The following FYB2 variants were observed in gnomAD, a reference collection of about 807,000 sequenced individuals.
FYB2 encodes the protein FYN binding protein 2.
In FYB2, 103 loss-of-function variants were observed where a neutral mutation model predicts 94.1. The observed-to-expected ratio is 1.09, with a 90% CI of 0.93 to 1.29. The LOEUF is 1.29. FYB2 is among the 50% of genes most tolerant of loss of function. FYB2 has a pLI of 0.00. For synonymous variants in FYB2, 293 were observed against 287.9 expected, an observed-to-expected ratio of 1.02 and a Z score of -0.18; for missense variants, 896 against 841.5, an observed-to-expected ratio of 1.06 and a Z score of -0.80.
intron 2 of FYB2, 75 bp downstream of exon 2, chr1:56,791,981 A>C: frequency 6.6e-7 from 1 of 1,507,386 alleles, no homozygotes; most frequent in Non-Finnish European, 8.8e-7. Context: ...AACCACTCTG[A>C]ATCAACAGGT....
chr1:56,796,672 G>A (rs189806686), intron 1 of FYB2, among the ~76,000 whole-genome samples: 78 of 152,068 alleles, frequency 5.1e-4, no homozygotes, highest in South Asian at 3.3e-3. Flanking sequence ...TCCTAATCCC[G>A]ACCCTCTTAA....
chr1:56,791,528 A>T (rs921844680), intron 2 of FYB2, among the ~76,000 whole-genome samples: 2 of 152,204 alleles, frequency 1.3e-5, no homozygotes, highest in Non-Finnish European at 2.9e-5. Flanking sequence ...GATAACAGGC[A>T]TAAGCCACCG....
chr1:56,786,945 A>G (rs914452444), intron 4 of FYB2, among the ~76,000 whole-genome samples: 1 of 152,216 alleles, frequency 6.6e-6, no homozygotes, highest in African/African-American at 2.4e-5. Flanking sequence ...TAATAAAAAA[A>G]GGACCTCTGA....
chr1:56,797,483 C>T (rs2101007187), intron 1 of FYB2, among the ~76,000 whole-genome samples: 1 of 152,268 alleles, frequency 6.6e-6, no homozygotes, highest in Non-Finnish European at 1.5e-5. Context: ...TCCCCTGGCA[C>T]AGAGCCTGGG....
chr1:56,744,260 T>A lies in FYB2; in HGVS notation c.1394A>T (p.His465Leu). 2 of 1,610,652 alleles carry A rather than the reference T, an allele frequency of 1.2e-6. No homozygotes were observed. Among genetic ancestry groups the A allele is most frequent in the African/African-American group, 2.7e-5 (2 of 74,834 alleles). The change falls in exon 10 of 20, where the codon CAT (histidine) becomes CTT (leucine). Residue 465 changes from histidine to leucine, a missense_variant. By Grantham distance (99) the His-to-Leu change is moderately conservative. Transcript: ENST00000343433. ...TTTAGTTGACTCCAAAACCTCCAGA[T>A]GCCCACCTGAAAGGAAACCAGAAAA... Reference protein sequence around the residue: ...LARHSQGHCGHLEVLESTKET... With the variant: ...LARHSQGHCGLLEVLESTKET...
At chr1:56,763,730 GA>G (rs746506710) in intron 5 of FYB2, among the ~76,000 whole-genome samples, 3 of 151,048 alleles carry the variant, frequency 2.0e-5, no homozygotes, top group Non-Finnish European at 4.4e-5. Context: ...CAATTTTATT[GA>G]TTTTTTTTCA....
At chr1:56,748,331 T>C (rs911743982) in intron 9 of FYB2, among the ~76,000 whole-genome samples, 1 of 152,102 alleles carries the variant, frequency 6.6e-6, no homozygotes, top group Non-Finnish European at 1.5e-5. Context: ...CATGCCTATG[T>C]CCTGAATGGT....
intron 9 of FYB2, among the ~76,000 whole-genome samples, chr1:56,748,993 T>A (rs1477181446): frequency 6.6e-6 from 1 of 151,704 alleles, no homozygotes; most frequent in Admixed American, 6.6e-5. Flanking sequence ...AGATATTTAA[T>A]CTCTTTCAGC....
At chr1:56,726,628 TATATTC>T (rs1300828736) in intron 15 of FYB2, 45 bp from the exon 16 acceptor site, 1 of 1,495,240 alleles carries the variant, frequency 6.7e-7, no homozygotes, top group Admixed American at 1.8e-5. Context: ...GACTGAATTA[TATATTC>T]ATGGAACCAT....
chr1:56,752,759 T>C (rs857110), intron 8 of FYB2, among the ~76,000 whole-genome samples: 114,773 of 152,038 alleles, frequency 0.75, 44,575 homozygotes, highest in African/African-American at 0.94. Context: ...AGGAAGTGAC[T>C]CTTCGTTAGT....
At chr1:56,741,840 C>T (rs950714719) in intron 12 of FYB2, among the ~76,000 whole-genome samples, 1 of 152,024 alleles carries the variant, frequency 6.6e-6, no homozygotes, top group Non-Finnish European at 1.5e-5. Flanking sequence ...TTAATATTTA[C>T]ATCTCTTTTA....
At chr1:56,767,441 C>T (rs1033992727) in intron 5 of FYB2, among the ~76,000 whole-genome samples, 1 of 152,082 alleles carries the variant, frequency 6.6e-6, no homozygotes, top group Admixed American at 6.5e-5. Context: ...TCTCCACACA[C>T]CAAGTAACCA....
In FYB2 at chr1:56,800,537, A is replaced by G. The variant is rs1321189494; in HGVS notation, c.10-7734T>C. 2.0e-5 allele frequency among the ~76,000 whole-genome samples: 3 copies of G among 152,206 alleles called. No homozygotes were observed. In the East Asian group the frequency reaches 5.8e-4, roughly 29 times the overall value. On this transcript the variant is annotated intron_variant, in intron 1 of 19. Transcript: ENST00000343433. ...TTGCACCCCCATTATCTGTCAGGTC[A>G]CATGAGTACTTTTCACCTCCAGGTT...
At chr1:56,738,589 A>G (rs761312950) in intron 14 of FYB2, 36 bp downstream of exon 14, 2 of 1,578,946 alleles carry the variant, frequency 1.3e-6, no homozygotes. Context: ...ACAAAAGCTG[A>G]GTACTTTTGG....
At chr1:56,784,765 G>A (rs1310800345) in intron 4 of FYB2, among the ~76,000 whole-genome samples, 1 of 152,080 alleles carries the variant, frequency 6.6e-6, no homozygotes, top group African/African-American at 2.4e-5. Context: ...TTGTCCATCT[G>A]TCCATTCATT....
rs747171992 is a variant in FYB2, at chr1:56,792,293, C to T, written c.520G>A (p.Gly174Ser). 10 of 1,614,054 alleles carry T rather than the reference C, an allele frequency of 6.2e-6. No individual in the cohort carries two copies. The Admixed American group carries it at 1.5e-4, about 24-fold the overall frequency. Residue 174 changes from glycine (G) to serine (S), a missense_variant, in exon 2 of 20, where the codon GGC (glycine) becomes AGC (serine). Transcript: ENST00000343433. ...SKAIHLEGQK[G>S]MGLTPEEPRK... ...GGTTCCTCTGGAGTAAGCCCCATGC[C>T]TTTTTGCCCTTCCAGATGGATGGCC...
At chr1:56,822,450 C>G (rs1203060573), upstream of FYB2, among the ~76,000 whole-genome samples, 1 of 152,212 alleles carries the variant, frequency 6.6e-6, no homozygotes, top group Non-Finnish European at 1.5e-5. Context: ...TGAAGTTTGG[C>G]TCAAAATCTT....
chr1:56,792,527 GC>G lies in FYB2; in HGVS notation c.285del (p.Pro96LeufsTer20). The stretch of plus-strand genomic sequence containing the variant: ...GAACATACAGTAGACTTTCCCAGAG[GC>G]CCTGGGGAGTTAGAACATTTTGGAA... ...SEIPKCSNSP[G>X]PLGKSTVCSA... is the part of the protein sequence containing the mutation. On this transcript the variant is annotated frameshift_variant, in exon 2 of 20. Coordinates refer to ENST00000343433, the MANE Select transcript of FYB2 (RefSeq NM_001004303.5). LOFTEE classifies it high-confidence loss of function. 6.2e-7 allele frequency: 1 copy of G among 1,614,148 alleles called. No homozygotes were observed. The highest frequency in any genetic ancestry group is 1.1e-5 in the South Asian group (1 of 91,084).
chr1:56,793,140 C>A (rs928659551), intron 1 of FYB2, among the ~76,000 whole-genome samples: 2 of 152,182 alleles, frequency 1.3e-5, no homozygotes, highest in Non-Finnish European at 2.9e-5. Context: ...TGGCTCCCCA[C>A]AACCTATAAA....
Sources: gnomAD v4.1 joint callset for allele counts (sites outside exome capture counted in the v4.1 genomes callset) on GRCh38, gnomAD v4.1.1 for gene constraint, MANE v1.5 for transcripts, NCBI Gene and HGNC (gene_info 2026-07-23, HGNC 2026-07-21) for gene names.